The following PLAAT1 variants were observed in gnomAD, a reference collection of about 807,000 sequenced individuals.
The protein encoded by PLAAT1 is phospholipase A and acyltransferase 1, also known as H-REV107 protein-related protein.
PLAAT1 carries 13 observed loss-of-function variants against 16.4 expected under a neutral mutation model. That is an observed-to-expected ratio of 0.79 (90% confidence interval 0.52 to 1.26). The LOEUF is 1.26. Ranked by LOEUF, PLAAT1 falls within the 50% of genes most tolerant of loss-of-function variation. PLAAT1 has a pLI of 0.00. For missense variants in PLAAT1, 218 were observed against 207.8 expected (o/e 1.05, Z -0.30); for synonymous variants, 73 against 78.4 (o/e 0.93, Z 0.36).
At chr3:193,247,376 A>C (rs922751039) in intron 1 of PLAAT1, among the ~76,000 whole-genome samples, 4 of 152,212 alleles carry the variant, frequency 2.6e-5, no homozygotes, top group African/African-American at 9.6e-5. Flanking sequence ...ATGTGGAGCC[A>C]CCAGAAATTC....
intron 2 of PLAAT1, among the ~76,000 whole-genome samples, chr3:193,261,431 AAAGAGAAGTATTTATAGACCT>A (rs746841152): frequency 4.4e-4 from 67 of 152,164 alleles, no homozygotes; most frequent in Non-Finnish European, 8.7e-4. Context: ...GGTTATGTTT[AAAGAGAAGTATTTATAGACCT>A]AAGTTTTATT....
At chr3:193,246,899 GTT>G (rs767156380) in intron 1 of PLAAT1, among the ~76,000 whole-genome samples, 7 of 152,132 alleles carry the variant, frequency 4.6e-5, no homozygotes, top group Non-Finnish European at 8.8e-5. Flanking sequence ...GGTAGTCCCT[GTT>G]TTATAATTTT....
intron 1 of PLAAT1, among the ~76,000 whole-genome samples, chr3:193,245,658 G>A (rs566919296): frequency 3.4e-4 from 52 of 152,196 alleles, no homozygotes; most frequent in African/African-American, 1.2e-3. Context: ...TCCCACCAAC[G>A]ATATACAAGG....
At chr3:193,266,823 A>G (rs1319047235) in intron 3 of PLAAT1, among the ~76,000 whole-genome samples, 2 of 150,712 alleles carry the variant, frequency 1.3e-5, no homozygotes, top group African/African-American at 4.8e-5. Context: ...TGGATTATAT[A>G]TTACTATCAA....
At chr3:193,268,347 T>G (rs1716850800) in intron 3 of PLAAT1, among the ~76,000 whole-genome samples, 1 of 152,194 alleles carries the variant, frequency 6.6e-6, no homozygotes. Flanking sequence ...GCCACACGTC[T>G]GTGTCCCCGC....
chr3:193,263,362 G>C (rs1716661900), intron 3 of PLAAT1, 127 bp downstream of exon 3: 10 of 890,618 alleles, frequency 1.1e-5, no homozygotes, highest in Admixed American at 2.8e-5. Flanking sequence ...ATAGAGAATG[G>C]ACTTGAGTTG....
intron 1 of PLAAT1, among the ~76,000 whole-genome samples, chr3:193,254,527 C>T (rs571875794): frequency 1.3e-5 from 2 of 152,258 alleles, no homozygotes; most frequent in African/African-American, 4.8e-5. Flanking sequence ...TCTCCTCTTG[C>T]TGAGTCATTC....
At chr3:193,275,652 G>C (rs188057042), downstream of PLAAT1, among the ~76,000 whole-genome samples, 1 of 152,274 alleles carries the variant, frequency 6.6e-6, no homozygotes, top group East Asian at 1.9e-4. Context: ...CTTGCTACCT[G>C]CCACCTGCCA....
downstream of PLAAT1, chr3:193,281,229 A>T (rs560611380): frequency 6.6e-5 from 65 of 985,224 alleles, no homozygotes; most frequent in African/African-American, 1.1e-3. Context: ...TGGGAAGAAG[A>T]GGACGCCTGA....
At chr3:193,251,854 G>A (rs1716202031) in intron 1 of PLAAT1, among the ~76,000 whole-genome samples, 3 of 152,112 alleles carry the variant, frequency 2.0e-5, no homozygotes, top group Non-Finnish European at 4.4e-5. Flanking sequence ...TTTCCTTAGT[G>A]TGTTTGTAGG....
chr3:193,240,685 G>GTGTGTGTGTGTGTGTGT (rs71177395), upstream of PLAAT1, among the ~76,000 whole-genome samples: 1 of 146,894 alleles, frequency 6.8e-6, no homozygotes, highest in Non-Finnish European at 1.5e-5. Flanking sequence ...GTGTGTGTGT[G>GTGTGTGTGTGTGTGTGT]GTTGGAGGTC....
intron 2 of PLAAT1, among the ~76,000 whole-genome samples, chr3:193,259,757 T>C (rs936205622): frequency 4.6e-5 from 7 of 152,148 alleles, no homozygotes; most frequent in Non-Finnish European, 8.8e-5. Flanking sequence ...CATTCCATGC[T>C]CACGGATTGG....
At chr3:193,279,976 TAAAAAAAAAA>T (rs57617984), downstream of PLAAT1, among the ~76,000 whole-genome samples, 6 of 59,890 alleles carry the variant, frequency 1.0e-4, no homozygotes, top group South Asian at 1.1e-3. Context: ...GTGTCTTTGT[TAAAAAAAAAA>T]AAAAAAAAAA....
At chr3:193,244,131 C>G (rs1018171472) in intron 1 of PLAAT1, among the ~76,000 whole-genome samples, 1 of 151,926 alleles carries the variant, frequency 6.6e-6, no homozygotes, top group African/African-American at 2.4e-5. Context: ...TTTTAACCAC[C>G]CTTTGAAGGT....
At chr3:193,255,120 G>A (rs759319928) in intron 1 of PLAAT1, among the ~76,000 whole-genome samples, 1 of 152,130 alleles carries the variant, frequency 6.6e-6, no homozygotes, top group Admixed American at 6.5e-5. Context: ...AAAGACTTCT[G>A]ATCTGATTTT....
downstream of PLAAT1, among the ~76,000 whole-genome samples, chr3:193,273,871 T>C (rs1247909578): frequency 6.6e-6 from 1 of 152,214 alleles, no homozygotes; most frequent in South Asian, 2.1e-4. Flanking sequence ...AGAACTGTCA[T>C]GCTGCAGTTA....
chr3:193,270,035 C>T (rs1206950834), intron 3 of PLAAT1, among the ~76,000 whole-genome samples: 2 of 151,054 alleles, frequency 1.3e-5, no homozygotes, highest in Non-Finnish European at 2.9e-5. Flanking sequence ...GCTCAGATGA[C>T]ATCCCTGAAT....
chr3:193,257,212 C>G (rs1716410134), intron 2 of PLAAT1, among the ~76,000 whole-genome samples: 1 of 152,140 alleles, frequency 6.6e-6, no homozygotes, highest in African/African-American at 2.4e-5. Context: ...AGACAGACTC[C>G]AATCACTCCA....
At chr3:193,276,789 CA>C in intron 2 of PLAAT1, 1 of 1,613,520 alleles carries the variant, frequency 6.2e-7, no homozygotes, top group Non-Finnish European at 8.5e-7. Flanking sequence ...TGAGGGCTAC[CA>C]CCAAAATTAA....
Sources: gnomAD v4.1 joint callset for allele counts (sites outside exome capture counted in the v4.1 genomes callset) on GRCh38, gnomAD v4.1.1 for gene constraint, MANE v1.5 for transcripts, NCBI Gene and HGNC (gene_info 2026-07-23, HGNC 2026-07-21) for gene names.